The following CES5A variants were observed in gnomAD, a reference collection of about 807,000 sequenced individuals.
CES5A encodes carboxylesterase 5A.
CES5A carries 67 observed loss-of-function variants against 62.9 expected under a neutral mutation model. The ratio of observed to expected loss-of-function variants is 1.07; its 90% CI spans 0.88 to 1.31. The LOEUF (loss-of-function observed/expected upper bound fraction) is 1.31, where lower values mean the gene tolerates loss of function less well. Ranked by LOEUF, CES5A falls within the 50% of genes most tolerant of loss-of-function variation. The pLI, the probability that CES5A is intolerant of heterozygous loss-of-function variation, is 0.00. For missense variants in CES5A, 748 were observed against 708.5 expected, an observed-to-expected ratio of 1.06 and a Z score of -0.63; for synonymous variants, 296 against 280.8, an observed-to-expected ratio of 1.05 and a Z score of -0.54.
Position 55,863,415 on chromosome 16 carries a change from G to A in CES5A, c.743C>T (p.Ala248Val), listed in dbSNP as rs749622088. 1 of 1,608,980 alleles carries A rather than the reference G, an allele frequency of 6.2e-7. No individual in the cohort carries two copies. Among genetic ancestry groups the A allele is most frequent in the Non-Finnish European group, 8.5e-7 (1 of 1,176,366 alleles). Residue 248 changes from alanine to valine, a missense_variant, in exon 6 of 13, where the codon GCC becomes GTC. Coordinates refer to ENST00000290567, the MANE Select transcript of CES5A (RefSeq NM_001143685.2). Reference sequence around the variant, plus strand: ...GATGGCCACCCCACTCTCCATGATGGCTTTGTGGAATAAGCCTTTGGCCAT... The same window carrying A: ...GATGGCCACCCCACTCTCCATGATGACTTTGTGGAATAAGCCTTTGGCCAT... ...SPMAKGLFHK[A>V]IMESGVAIIP...
chr16:55,907,558 C>T (rs1391121405), intron 1 of CES5A, among the ~76,000 whole-genome samples: 1 of 152,150 alleles, frequency 6.6e-6, no homozygotes, highest in African/African-American at 2.4e-5. Flanking sequence ...TGCTAAGAAA[C>T]AGAAATGTCT....
intron 4 of CES5A, 52 bp from the exon 5 acceptor site, chr16:55,866,168 C>T (rs1356120213): frequency 1.3e-6 from 2 of 1,566,228 alleles, no homozygotes; most frequent in Non-Finnish European, 1.7e-6. Context: ...GTGTGTTTCC[C>T]ACAGCCCTGG....
At chr16:55,948,682 T>C (rs191609778) in intron 2 of CES5A, among the ~76,000 whole-genome samples, 1 of 152,278 alleles carries the variant, frequency 6.6e-6, no homozygotes, top group East Asian at 1.9e-4. Flanking sequence ...TCCCAAGATT[T>C]TATTTTCCTT....
At chr16:55,904,947 T>C (rs3909213) in intron 1 of CES5A, among the ~76,000 whole-genome samples, 78,746 of 151,980 alleles carry the variant, frequency 0.52, 20,637 homozygotes, top group African/African-American at 0.54. Context: ...CAACTCCTAG[T>C]GCTATGTCTC....
intron 1 of CES5A, among the ~76,000 whole-genome samples, chr16:55,923,588 T>C (rs906003892): frequency 1.3e-5 from 2 of 151,804 alleles, no homozygotes; most frequent in Non-Finnish European, 3.0e-5. Flanking sequence ...CTATCCAACA[T>C]TTAAAGAAGT....
intron 8 of CES5A, 97 bp downstream of exon 8, chr16:55,859,450 A>G (rs539987538): frequency 3.0e-4 from 382 of 1,270,746 alleles, no homozygotes; most frequent in Non-Finnish European, 3.9e-4. Context: ...TCCAGCACTT[A>G]CAATACCTGA....
At chr16:55,879,170 C>G (rs1295123654), upstream of CES5A, among the ~76,000 whole-genome samples, 1 of 149,826 alleles carries the variant, frequency 6.7e-6, no homozygotes, top group African/African-American at 2.5e-5. Flanking sequence ...TGCACCCCAC[C>G]ACTGCACTCC....
At chr16:55,905,440 C>T (rs4122234) in intron 1 of CES5A, among the ~76,000 whole-genome samples, 4,698 of 151,620 alleles carry the variant, frequency 0.031, 151 homozygotes, top group East Asian at 0.11. Context: ...AATCTCGGCT[C>T]ACTGCAACCT....
At chr16:55,928,137 G>A (rs1342363424), upstream of CES5A, among the ~76,000 whole-genome samples, 1 of 152,116 alleles carries the variant, frequency 6.6e-6, no homozygotes, top group Non-Finnish European at 1.5e-5. Context: ...CAGCTACTCG[G>A]GAGGCTGAGG....
chr16:55,868,578 C>T (rs1328596501), intron 4 of CES5A, among the ~76,000 whole-genome samples: 1 of 152,198 alleles, frequency 6.6e-6, no homozygotes, highest in Non-Finnish European at 1.5e-5. Context: ...TTAACCATGT[C>T]CTTCTTGGTA....
intron 1 of CES5A, among the ~76,000 whole-genome samples, chr16:55,900,428 G>A (rs2033978774): frequency 6.6e-6 from 1 of 152,176 alleles, no homozygotes; most frequent in Non-Finnish European, 1.5e-5. Flanking sequence ...GGAAAGACAA[G>A]GCTTTCCTCT....
rs1374656149 is a variant in CES5A, at chr16:55,846,399, G to A, written c.*52C>T. 9 of 1,382,986 alleles carry A rather than the reference G, an allele frequency of 6.5e-6. No individual in the cohort carries two copies. The highest frequency in any genetic ancestry group is 1.7e-5 in the Admixed American group (1 of 57,366). 85.7% of individuals were successfully genotyped at this position (1,382,986 alleles called of 1,614,324 possible). Reference sequence around the variant, plus strand: ...AGCTCAGAAAGAAGCTAATGATTGCGGGAGAAATTATGGGAGGAGAAGGGA... The same window carrying A: ...AGCTCAGAAAGAAGCTAATGATTGCAGGAGAAATTATGGGAGGAGAAGGGA... On this transcript the variant is annotated 3_prime_UTR_variant, in exon 13 of 13. Coordinates refer to ENST00000290567, the MANE Select transcript of CES5A (RefSeq NM_001143685.2).
intron 1 of CES5A, among the ~76,000 whole-genome samples, chr16:55,916,630 C>T (rs1370875619): frequency 1.3e-5 from 2 of 152,230 alleles, no homozygotes; most frequent in African/African-American, 4.8e-5. Context: ...CAGTCAAGTT[C>T]CCTAACACCA....
chr16:55,904,769 C>G (rs1388175388), intron 1 of CES5A, among the ~76,000 whole-genome samples: 1 of 152,158 alleles, frequency 6.6e-6, no homozygotes, highest in Non-Finnish European at 1.5e-5. Context: ...CCACCTGGCA[C>G]AGCATAATGG....
rs367703014 is a variant in CES5A, at chr16:55,895,202, GT to G, written c.-255-21166del. Among the ~76,000 whole-genome samples the G allele has an allele frequency of 2.7e-3, 405 of 151,738 alleles. 3 individuals carry two copies. Among genetic ancestry groups the G allele is most frequent in the African/African-American group, 8.9e-3 (368 of 41,388 alleles). On this transcript the variant is annotated intron_variant, in intron 1 of 12. Coordinates refer to the CES5A transcript ENST00000518005. The stretch of plus-strand genomic sequence containing the variant: ...TTGCAAAGATTGGACTAATTTGGTT[GT>G]TTTTTTTTCCCCCAGGAATTCAAAG...
At chr16:55,884,313 AGTCT>A (rs1343893922) in intron 1 of CES5A, among the ~76,000 whole-genome samples, 1 of 152,198 alleles carries the variant, frequency 6.6e-6, no homozygotes, top group Admixed American at 6.5e-5. Flanking sequence ...CTCTGTCGAC[AGTCT>A]GTCTGTGTTC....
At chr16:55,920,359 A>G (rs1411876926) in intron 1 of CES5A, among the ~76,000 whole-genome samples, 2 of 152,200 alleles carry the variant, frequency 1.3e-5, no homozygotes, top group African/African-American at 4.8e-5. Flanking sequence ...AAGCATCACA[A>G]GTGACTGAAA....
chr16:55,855,690 G>GA (rs1244798095), intron 9 of CES5A, among the ~76,000 whole-genome samples: 2 of 152,168 alleles, frequency 1.3e-5, no homozygotes, highest in Non-Finnish European at 2.9e-5. Context: ...AAATGTGTGG[G>GA]AACAAAAATG....
At chr16:55,930,556 CAG>C (rs774452671) in intron 2 of CES5A, among the ~76,000 whole-genome samples, 2 of 152,194 alleles carry the variant, frequency 1.3e-5, no homozygotes, top group Non-Finnish European at 2.9e-5. Flanking sequence ...TGGGACTCTG[CAG>C]AGAGTCCCCA....
Sources: allele counts gnomAD v4.1 joint callset (sites outside exome capture counted in the v4.1 genomes callset), GRCh38; gene constraint gnomAD v4.1.1; transcripts MANE v1.5; gene names NCBI Gene and HGNC (gene_info 2026-07-23, HGNC 2026-07-21).